The following MUC3A variants were observed in gnomAD, a reference collection of about 807,000 sequenced individuals.
MUC3A encodes mucin 3A, cell surface associated, also known as mucin-3A.
In MUC3A, 109 loss-of-function variants were observed where a neutral mutation model predicts 109.0. The ratio of observed to expected loss-of-function variants is 1.00; its 90% CI spans 0.86 to 1.17. MUC3A has a LOEUF of 1.17. Ranked by LOEUF, MUC3A falls within the 50% of genes most tolerant of loss-of-function variation. The probability of loss-of-function intolerance (pLI) is 0.00; values close to 1 mark genes in which losing one functional copy is unlikely to be tolerated. For synonymous variants in MUC3A, 1,398 were observed against 981.4 expected, an observed-to-expected ratio of 1.42 and a Z score of -7.93; for missense variants, 3,537 against 2,469.4, an observed-to-expected ratio of 1.43 and a Z score of -9.16.
In MUC3A at chr7:100,955,851, G is replaced by A; in HGVS notation, c.4072G>A (p.Ala1358Thr). 2.1e-6 allele frequency: 1 copy of A among 469,398 alleles called. No individual in the cohort carries two copies. The highest frequency in any genetic ancestry group is 5.3e-5 in the South Asian group (1 of 18,894). The allele number at this position is 469,398 out of a possible 1,614,324, so 29.1% of individuals were successfully genotyped here. ...TCAGACCACCTTCCCCAGCTCTACA[G>A]CCACATTCCTTGAGACCACCACACT... ...TGQTTFPSST[A>T]TFLETTTLTP... is the part of the protein sequence containing the mutation. The change falls in exon 2 of 12, where the codon GCC becomes ACC. Residue 1358 changes from alanine (A) to threonine (T), a missense_variant. Coordinates refer to ENST00000379458, the MANE Select transcript of MUC3A (RefSeq NM_005960.2).
At chr7:100,965,225 T>C in intron 6 of MUC3A, 57 bp from the exon 7 acceptor site, 1 of 1,554,412 alleles carries the variant, frequency 6.4e-7, no homozygotes, top group Admixed American at 1.8e-5. Flanking sequence ...CGCTAACCCC[T>C]TGACCTTAAC....
rs1205808155 is a variant in MUC3A, at chr7:100,966,501, C to G, written c.9727C>G (p.Leu3243Val). The G allele has an allele frequency of 6.9e-6, 9 of 1,307,406 alleles. No individual in the cohort carries two copies. Among genetic ancestry groups the G allele is most frequent in the Non-Finnish European group, 7.7e-6 (8 of 1,037,572 alleles). The allele number at this position is 1,307,406 out of a possible 1,614,324, so 81.0% of individuals were successfully genotyped here. A position where few individuals can be genotyped will look rare whatever the true frequency, so the allele number is the denominator to read the frequency against. ...CGCCGCGCTGCTGGTGCTGCTGCTG[C>G]TGGCGCTGGGCGTCCGGGCGGTGCG... Reference protein sequence around the residue: ...AGAALLVLLLLALGVRAVRSG... With the variant: ...AGAALLVLLLVALGVRAVRSG... The change falls in exon 9 of 12, where the codon CTG becomes GTG. Residue 3243 changes from leucine to valine, a missense_variant. Transcript: ENST00000379458.
rs567577518 is a variant in MUC3A, at chr7:100,958,669, C to T, written c.6890C>T (p.Thr2297Ile). ...TPSSTSLITT[T>I]KTTSHSTPSF... is the part of the protein sequence containing the mutation. ...AGCTCCACTTCTTTAATCACCACCA[C>T]CAAGACCACCTCACACAGTACTCCC... The change falls in exon 2 of 12, where the codon ACC becomes ATC. Residue 2297 changes from threonine to isoleucine, a missense_variant. Coordinates refer to ENST00000379458, the MANE Select transcript of MUC3A (RefSeq NM_005960.2). 5.8e-4 allele frequency: 914 copies of T among 1,587,300 alleles called. 18 individuals are homozygous for T. The African/African-American group carries it at 0.01, about 18-fold the overall frequency.
In MUC3A at chr7:100,965,867, G is replaced by T; in HGVS notation, c.9611+1G>T. On this transcript the variant is annotated splice_donor_variant, in intron 8 of 11. Transcript: ENST00000379458. LOFTEE classifies it high-confidence loss of function. Reference sequence around the variant, plus strand: ...TGGAGACGAGCGGTCCCACGTGTCGGTAAGGCCCCGCTCACCATCGGCATC... The same window carrying T: ...TGGAGACGAGCGGTCCCACGTGTCGTTAAGGCCCCGCTCACCATCGGCATC... 1.3e-6 allele frequency: 2 copies of T among 1,590,430 alleles called. No individual in the cohort carries two copies. The highest frequency in any genetic ancestry group is 1.7e-6 in the Non-Finnish European group (2 of 1,174,402).
At chr7:100,967,021 C>A in intron 11 of MUC3A, 70 bp downstream of exon 11, 1 of 1,598,486 alleles carries the variant, frequency 6.3e-7, no homozygotes, top group East Asian at 2.2e-5. Context: ...CCCCGACCCC[C>A]ACCAGGGCAG....
chr7:100,966,743 G>C lies in MUC3A; in HGVS notation c.9877G>C (p.Asp3293His). 1 of 1,598,548 alleles carries C rather than the reference G, an allele frequency of 6.3e-7. No individual in the cohort carries two copies. Among genetic ancestry groups the C allele is most frequent in the Non-Finnish European group, 8.5e-7 (1 of 1,179,826 alleles). The change falls in exon 10 of 12, where the codon GAC becomes CAC. Residue 3293 changes from aspartate (D) to histidine (H), a missense_variant and splice_region_variant. By Grantham distance (81) the Asp-to-His change is moderately conservative (BLOSUM62 -1). Transcript: ENST00000379458. ...CTGGGGTTTCGAGGACGACGGAACAGGTGAGTCCTGCCTCCTGGGGAAGCA... is the reference window on the plus strand; with the variant it reads ...CTGGGGTTTCGAGGACGACGGAACACGTGAGTCCTGCCTCCTGGGGAAGCA... Reference protein sequence around the residue: ...SNWGFEDDGTDKDTNFYVALE... With the variant: ...SNWGFEDDGTHKDTNFYVALE...
At position 100,949,699 on chromosome 7, in the gene MUC3A, G is replaced by T. The variant is rs780335625; in HGVS notation, c.61+14G>T. The T allele has an allele frequency of 2.0e-6, 3 of 1,522,048 alleles. No individual in the cohort carries two copies. Among genetic ancestry groups the T allele is most frequent in the Admixed American group, 2.1e-5 (1 of 46,808 alleles). 94.3% of individuals were successfully genotyped at this position (1,522,048 alleles called of 1,614,324 possible). A position where few individuals can be genotyped will look rare whatever the true frequency, so the allele number is the denominator to read the frequency against. On this transcript the variant is annotated intron_variant, in intron 1 of 11. Transcript: ENST00000379458. ...CGTGGGCCACAGGTAAGGGGGAGAGGCGGAAGGGGGTTGGAGAAAAGCTCC... is the reference window on the plus strand; with the variant it reads ...CGTGGGCCACAGGTAAGGGGGAGAGTCGGAAGGGGGTTGGAGAAAAGCTCC...
chr7:100,953,198 G>C lies in MUC3A; in HGVS notation c.1419G>C (p.Thr473=), dbSNP rs923258501. The stretch of plus-strand genomic sequence containing the variant: ...CAACAGACCTCACATCAACATTCAC[G>C]GTTTCCAGTTCCTCAGCAATGTCCA... ...TTATDLTSTF[T]VSSSSAMSTS... is the part of the protein sequence containing the mutation. The change falls in exon 2 of 12, where the codon ACG becomes ACC. Residue 473 remains threonine (T), a synonymous_variant. Transcript: ENST00000379458. 4 of 491,666 alleles carry C rather than the reference G, an allele frequency of 8.1e-6. No homozygotes were observed. The highest frequency in any genetic ancestry group is 6.5e-5 in the African/African-American group (3 of 46,312). The allele number at this position is 491,666 out of a possible 1,614,324, so 30.5% of individuals were successfully genotyped here.
In MUC3A at chr7:100,949,551, G is replaced by A. The variant is rs1043714812; in HGVS notation, c.-74G>A. 4.3e-6 allele frequency: 6 copies of A among 1,382,358 alleles called. No homozygotes were observed. The African/African-American group carries it at 5.8e-5, about 13-fold the overall frequency. 85.6% of individuals were successfully genotyped at this position (1,382,358 alleles called of 1,614,324 possible). ...TAACCAGCACTTTCATTACGTGCAC[G>A]CCCCAGGGCCACGTCCCTGCCGCTG... On this transcript the variant is annotated 5_prime_UTR_variant, in exon 1 of 12. Transcript: ENST00000379458.
In MUC3A at chr7:100,959,320, C is replaced by T; in HGVS notation, c.7541C>T (p.Thr2514Ile). The change falls in exon 2 of 12, where the codon ACT becomes ATT. Residue 2514 changes from threonine to isoleucine, a missense_variant. Transcript: ENST00000379458. Reference protein sequence around the residue: ...TTTTDFPSIPTDISTLPTRTH... With the variant: ...TTTTDFPSIPIDISTLPTRTH... ...ACCACAGACTTTCCCTCTATACCCA[C>T]TGATATCAGTACCTTACCAACTCGA... is the stretch of plus-strand genomic sequence containing the variant. 6.4e-7 allele frequency: 1 copy of T among 1,568,632 alleles called. No homozygotes were observed.
chr7:100,958,013 C>A lies in MUC3A; in HGVS notation c.6234C>A (p.Thr2078=). 4.4e-6 allele frequency: 1 copy of A among 228,092 alleles called. No individual in the cohort carries two copies. The highest frequency in any genetic ancestry group is 4.9e-5 in the East Asian group (1 of 20,594). The allele number at this position is 228,092 out of a possible 1,614,324, so 14.1% of individuals were successfully genotyped here. A position where few individuals can be genotyped will look rare whatever the true frequency, so the allele number is the denominator to read the frequency against. ...ITSHSTLSYT[T]SITTTETPSH... Reference sequence around the variant, plus strand: ...CACACAGTACTCTCAGCTACACTACCTCAATCACCACCACCGAGACCCCCT... The same window carrying A: ...CACACAGTACTCTCAGCTACACTACATCAATCACCACCACCGAGACCCCCT... The change falls in exon 2 of 12, where the codon ACC becomes ACA. Residue 2078 remains threonine, a synonymous_variant. Coordinates refer to ENST00000379458, the MANE Select transcript of MUC3A (RefSeq NM_005960.2).
chr7:100,959,976 C>G lies in MUC3A; in HGVS notation c.8197C>G (p.Leu2733Val). ...GSASITGFPS[L>V]SSSATTSTSS... ...CGCTTCTATCACAGGCTTTCCTAGT[C>G]TCTCTTCCTCTGCAACTACCAGCAC... is the stretch of plus-strand genomic sequence containing the variant. The change falls in exon 2 of 12, where the codon CTC (leucine) becomes GTC (valine). Residue 2733 changes from leucine (L) to valine (V), a missense_variant. Coordinates refer to ENST00000379458, the MANE Select transcript of MUC3A (RefSeq NM_005960.2). 1 of 1,507,298 alleles carries G rather than the reference C, an allele frequency of 6.6e-7. No individual in the cohort carries two copies. Among genetic ancestry groups the G allele is most frequent in the Non-Finnish European group, 8.8e-7 (1 of 1,139,072 alleles). 93.4% of individuals were successfully genotyped at this position (1,507,298 alleles called of 1,614,324 possible).
At position 100,953,386 on chromosome 7, in the gene MUC3A, CAT is replaced by C; in HGVS notation, c.1608_1609del (p.Ser537PhefsTer30). ...ACCTTCCCAGCAACATATTCATTTTCATCTTCCATGTCTGCCAGCAGTGCTGG... is the reference window on the plus strand; with the variant it reads ...ACCTTCCCAGCAACATATTCATTTTCCTTCCATGTCTGCCAGCAGTGCTGG... On this transcript the variant is annotated frameshift_variant, in exon 2 of 12. Transcript: ENST00000379458. LOFTEE classifies it high-confidence loss of function. 1 of 478,082 alleles carries C rather than the reference CAT, an allele frequency of 2.1e-6. No individual in the cohort carries two copies. Among genetic ancestry groups the C allele is most frequent in the Non-Finnish European group, 3.6e-6 (1 of 278,582 alleles). 29.6% of individuals were successfully genotyped at this position (478,082 alleles called of 1,614,324 possible).
chr7:100,951,044 C>G (rs1012629691), intron 1 of MUC3A, among the ~76,000 whole-genome samples: 1 of 150,984 alleles, frequency 6.6e-6, no homozygotes, highest in Admixed American at 6.6e-5. Context: ...GAGTCTTGCT[C>G]TGTCACCCAG....
In MUC3A at chr7:100,955,344, T is replaced by C. The variant is rs1792072006; in HGVS notation, c.3565T>C (p.Ser1189Pro). 2.7e-6 allele frequency: 2 copies of C among 729,136 alleles called. No homozygotes were observed. The highest frequency in any genetic ancestry group is 3.4e-5 in the African/African-American group (2 of 58,096). 45.2% of individuals were successfully genotyped at this position (729,136 alleles called of 1,614,324 possible). A position where few individuals can be genotyped will look rare whatever the true frequency, so the allele number is the denominator to read the frequency against. ...TMVTSTTMTP[S>P]SLSTDTPSTT... ...GGTAACTTCCACAACCATGACCCCA[T>C]CTTCTCTGAGTACAGACACCCCTTC... Residue 1189 changes from serine (S) to proline (P), a missense_variant, in exon 2 of 12, where the codon TCT becomes CCT. By Grantham distance (74) the Ser-to-Pro change is moderately conservative (BLOSUM62 -1). Coordinates refer to ENST00000379458, the MANE Select transcript of MUC3A (RefSeq NM_005960.2).
Position 100,949,555 on chromosome 7 carries a change from CAGGGCCACGTCCCTGCCGCTGTCTT to C in MUC3A, c.-69_-45del, listed in dbSNP as rs1311366237. ...CAGCACTTTCATTACGTGCACGCCC[CAGGGCCACGTCCCTGCCGCTGTCTT>C]GGTCCTGAAGCCTGTTCTGCCCCAG... is the stretch of plus-strand genomic sequence containing the variant. On this transcript the variant is annotated 5_prime_UTR_variant, in exon 1 of 12. Transcript: ENST00000379458. 1 of 1,328,020 alleles carries C rather than the reference CAGGGCCACGTCCCTGCCGCTGTCTT, an allele frequency of 7.5e-7. No homozygotes were observed. Among genetic ancestry groups the C allele is most frequent in the Non-Finnish European group, 9.7e-7 (1 of 1,028,108 alleles). 82.3% of individuals were successfully genotyped at this position (1,328,020 alleles called of 1,614,324 possible).
rs1224745429 is a variant in MUC3A at position 100,956,490 on chromosome 7, A to G, written c.4711A>G (p.Ile1571Val). The change falls in exon 2 of 12, where the codon ATC becomes GTC. Residue 1571 changes from isoleucine to valine, a missense_variant. By Grantham distance (29) the Ile-to-Val change is conservative. Coordinates refer to ENST00000379458, the MANE Select transcript of MUC3A (RefSeq NM_005960.2). ...SMIPSTVSTGIPTSQPTTITP... is the reference protein window; with the variant it reads ...SMIPSTVSTGVPTSQPTTITP... ...GATCCCATCTACTGTGAGTACAGGT[A>G]TCCCTACCTCACAACCAACAACTAT... The G allele has an allele frequency of 2.1e-5, 11 of 525,448 alleles. No individual in the cohort carries two copies. The highest frequency in any genetic ancestry group is 1.6e-4 in the African/African-American group (8 of 51,448). The allele number at this position is 525,448 out of a possible 1,614,324, so 32.5% of individuals were successfully genotyped here.
In MUC3A at chr7:100,952,150, C is replaced by T; in HGVS notation, c.371C>T (p.Ala124Val). The T allele has an allele frequency of 6.3e-7, 1 of 1,598,504 alleles. No individual in the cohort carries two copies. Among genetic ancestry groups the T allele is most frequent in the Non-Finnish European group, 8.5e-7 (1 of 1,179,734 alleles). ...CCACCCACCGTGTTGGTCTATTCAG[C>T]CACCACTGAGTGCGTGTATCCAACG... ...TTPPTVLVYSATTECVYPTSF... is the reference protein window; with the variant it reads ...TTPPTVLVYSVTTECVYPTSF... The change falls in exon 2 of 12, where the codon GCC becomes GTC. Residue 124 changes from alanine (A) to valine (V), a missense_variant. Physicochemically the swap from Ala to Val is moderately conservative, Grantham distance 64 (BLOSUM62 0). Transcript: ENST00000379458.
At chr7:100,965,111 G>A (rs1792481024) in intron 6 of MUC3A, 171 bp from the exon 7 acceptor site, 1 of 1,065,038 alleles carries the variant, frequency 9.4e-7, no homozygotes, top group Non-Finnish European at 1.3e-6. Flanking sequence ...GGGAGATGAG[G>A]CAGGCAACAG....
Sources: gnomAD v4.1 joint callset for allele counts (sites outside exome capture counted in the v4.1 genomes callset) on GRCh38, gnomAD v4.1.1 for gene constraint, MANE v1.5 for transcripts, NCBI Gene and HGNC (gene_info 2026-07-23, HGNC 2026-07-21) for gene names.